Variants in TRPC1 observed in about 807,000 individuals in gnomAD.
TRPC1 encodes transient receptor potential cation channel subfamily C member 1.
A neutral mutation model predicts 88.2 loss-of-function variants in TRPC1; 42 were observed. The ratio of observed to expected loss-of-function variants is 0.48; its 90% CI spans 0.37 to 0.62. TRPC1 has a LOEUF of 0.62. TRPC1 is among the 20% of genes least tolerant of loss of function. The pLI is 0.00. For missense variants in TRPC1, 699 were observed against 957.3 expected (o/e 0.73, Z 3.56); for synonymous variants, 288 against 331.8 (o/e 0.87, Z 1.43).
chr3:142,746,024 T>G (rs938411978), intron 3 of TRPC1, among the ~76,000 whole-genome samples: 5 of 152,200 alleles, frequency 3.3e-5, no homozygotes, highest in Non-Finnish European at 7.3e-5. Flanking sequence ...CCCAAAGTGC[T>G]GGGATTACAG....
rs1279722767 is a variant in TRPC1 at position 142,724,570 on chromosome 3, C to A, written c.11C>A (p.Ala4Asp). The change falls in exon 1 of 13, where the codon GCC becomes GAC. Residue 4 changes from alanine to aspartate, a missense_variant. Transcript: ENST00000476941. This position sits in a 1 kb window ranked among gnomAD's most constrained non-coding sequence, Gnocchi z 5.6. ...CCTTCATGGGCCGCGATGATGGCGG[C>A]CCTGTACCCGAGCACGGACCTCTCG... is the stretch of plus-strand genomic sequence containing the variant. MMA[A>D]LYPSTDLSGA... 1.3e-6 allele frequency: 2 copies of A among 1,576,634 alleles called. No homozygotes were observed. Among genetic ancestry groups the A allele is most frequent in the African/African-American group, 2.7e-5 (2 of 73,530 alleles).
At chr3:142,781,090 G>A (rs1935944344) in intron 6 of TRPC1, 61 bp downstream of exon 6, 1 of 1,404,462 alleles carries the variant, frequency 7.1e-7, no homozygotes, top group Admixed American at 2.5e-5. Flanking sequence ...GTGGCTCAGG[G>A]CAAAGGCTTT....
intron 4 of TRPC1, among the ~76,000 whole-genome samples, chr3:142,749,482 T>A (rs1934674502): frequency 6.6e-6 from 1 of 152,190 alleles, no homozygotes; most frequent in Non-Finnish European, 1.5e-5. Flanking sequence ...CCATGCATGT[T>A]ATTACCCCTG....
chr3:142,778,741 C>T lies in TRPC1; in HGVS notation c.764+978C>T, dbSNP rs117291121. On this transcript the variant is annotated intron_variant, in intron 5 of 12. Transcript: ENST00000476941. ...AAAATTGGGAAAGTTCAAATTTCTACTTCCTGGAAGGGCAGTAAGAAACTT... is the reference window on the plus strand; with the variant it reads ...AAAATTGGGAAAGTTCAAATTTCTATTTCCTGGAAGGGCAGTAAGAAACTT... Among the ~76,000 whole-genome samples, 113 of 152,278 alleles carry T rather than the reference C, an allele frequency of 7.4e-4. No individual in the cohort carries two copies. In the East Asian group the frequency reaches 0.018, roughly 24 times the overall value.
chr3:142,732,063 G>C (rs4530572), intron 1 of TRPC1, among the ~76,000 whole-genome samples: 1 of 152,012 alleles, frequency 6.6e-6, no homozygotes, highest in Non-Finnish European at 1.5e-5. Flanking sequence ...AGAAAACTTT[G>C]TTGACCCCTG....
chr3:142,760,106 G>A (rs572413275), intron 4 of TRPC1, among the ~76,000 whole-genome samples: 5 of 152,230 alleles, frequency 3.3e-5, no homozygotes, highest in East Asian at 1.9e-4. Flanking sequence ...GATTACAGGC[G>A]TGAGCCACTG....
At chr3:142,783,117 C>A (rs1936016179) in intron 6 of TRPC1, among the ~76,000 whole-genome samples, 10 of 152,318 alleles carry the variant, frequency 6.6e-5, no homozygotes, top group Admixed American at 5.9e-4. Context: ...TCTTTCACTG[C>A]AGACTTAGAA....
chr3:142,743,639 C>G, intron 3 of TRPC1, 53 bp downstream of exon 3: 13 of 1,159,184 alleles, frequency 1.1e-5, no homozygotes, highest in Non-Finnish European at 1.5e-5. Context: ...AAATAGATCT[C>G]TTGCCCCATT....
In TRPC1 at chr3:142,724,520, C is replaced by T. The variant is rs1404883384; in HGVS notation, c.-40C>T. The T allele has an allele frequency of 1.4e-6, 2 of 1,477,760 alleles. No individual in the cohort carries two copies. Among genetic ancestry groups the T allele is most frequent in the East Asian group, 2.6e-5 (1 of 38,018 alleles). The allele number at this position is 1,477,760 out of a possible 1,614,324, so 91.5% of individuals were successfully genotyped here. A position where few individuals can be genotyped will look rare whatever the true frequency, so the allele number is the denominator to read the frequency against. ...GGTCGGGGTCGGGGCCGGTGGGGGC[C>T]CCGCCCCCGTCTCCTGGCCTGCCCC... is the stretch of plus-strand genomic sequence containing the variant. On this transcript the variant is annotated 5_prime_UTR_variant, in exon 1 of 13. Transcript: ENST00000476941. The surrounding 1 kb of genome is among the most constrained non-coding windows in gnomAD (Gnocchi z 5.6).
intron 5 of TRPC1, 49 bp from the exon 6 acceptor site, chr3:142,780,785 T>G (rs1935934347): frequency 2.0e-6 from 3 of 1,515,500 alleles, no homozygotes; most frequent in Admixed American, 4.2e-5. Context: ...TATAGCTTAA[T>G]TAGAAGATGG....
chr3:142,748,830 C>T (rs1424241135), intron 4 of TRPC1, among the ~76,000 whole-genome samples: 1 of 152,192 alleles, frequency 6.6e-6, no homozygotes, highest in Non-Finnish European at 1.5e-5. Flanking sequence ...TTCTGTCTAA[C>T]TAAGTATTGA....
chr3:142,742,708 T>G (rs1934399686), intron 2 of TRPC1, among the ~76,000 whole-genome samples: 1 of 152,200 alleles, frequency 6.6e-6, no homozygotes, highest in Non-Finnish European at 1.5e-5. Flanking sequence ...ATGTTTTCCT[T>G]CTTCCTTTAT....
chr3:142,730,604 G>T (rs1933861103), intron 1 of TRPC1, among the ~76,000 whole-genome samples: 1 of 119,494 alleles, frequency 8.4e-6, no homozygotes, highest in African/African-American at 3.7e-5. Flanking sequence ...AAGTCTGCAT[G>T]GGTTTTTTTT....
chr3:142,745,574 G>A (rs986483126), intron 3 of TRPC1, among the ~76,000 whole-genome samples: 9 of 152,090 alleles, frequency 5.9e-5, no homozygotes, highest in African/African-American at 2.4e-5. Context: ...AGCCTTGGAG[G>A]TGGAGGTTGC....
At chr3:142,751,254 A>G (rs531877821) in intron 4 of TRPC1, among the ~76,000 whole-genome samples, 10 of 152,284 alleles carry the variant, frequency 6.6e-5, no homozygotes, top group African/African-American at 2.4e-4. Context: ...GCAACTTCCA[A>G]TTCTGCAAGC....
chr3:142,790,400 C>T (rs1936259169), intron 7 of TRPC1, among the ~76,000 whole-genome samples: 1 of 152,130 alleles, frequency 6.6e-6, no homozygotes, highest in African/African-American at 2.4e-5. Flanking sequence ...GCACAATGAG[C>T]AGCAGTGGTT....
At chr3:142,741,930 A>T (rs1934365837) in intron 2 of TRPC1, among the ~76,000 whole-genome samples, 1 of 152,176 alleles carries the variant, frequency 6.6e-6, no homozygotes, top group Admixed American at 6.5e-5. Flanking sequence ...TGAGAGGCCG[A>T]GGTGGGTGGA....
chr3:142,739,035 G>A (rs1328090480), intron 2 of TRPC1, among the ~76,000 whole-genome samples: 1 of 152,062 alleles, frequency 6.6e-6, no homozygotes, highest in Non-Finnish European at 1.5e-5. Context: ...GCAATGGCGT[G>A]ATCTCGGCTC....
chr3:142,771,523 C>T (rs916036981), intron 4 of TRPC1, among the ~76,000 whole-genome samples: 2 of 152,180 alleles, frequency 1.3e-5, no homozygotes, highest in Admixed American at 6.5e-5. Flanking sequence ...AAATGTTACT[C>T]CTATACATCT....
Sources: allele counts gnomAD v4.1 joint callset (sites outside exome capture counted in the v4.1 genomes callset), GRCh38; gene constraint gnomAD v4.1.1; non-coding constraint Gnocchi (gnomAD v3.1); transcripts MANE v1.5; gene names NCBI Gene and HGNC (gene_info 2026-07-23, HGNC 2026-07-21).